Variants in SLC22A24 observed in about 807,000 individuals in gnomAD.
SLC22A24 encodes the protein steroid transmembrane transporter SLC22A24.
Under a neutral mutation model 49.8 loss-of-function variants are expected in SLC22A24, and 53 were observed. The observed-to-expected ratio is 1.06, with a 90% CI of 0.85 to 1.34. The LOEUF (loss-of-function observed/expected upper bound fraction) is 1.34. Among genes scored for constraint, SLC22A24 ranks in the 40% most tolerant of loss-of-function variants. SLC22A24 has a pLI of 0.00. For synonymous variants in SLC22A24, 302 were observed against 256.4 expected (o/e 1.18, Z -1.70); for missense variants, 786 against 675.9 (o/e 1.16, Z -1.81).
At chr11:63,111,718 T>C (rs887285269) in intron 4 of SLC22A24, among the ~76,000 whole-genome samples, 61 of 152,168 alleles carry the variant, frequency 4.0e-4, no homozygotes, top group African/African-American at 1.4e-3. Context: ...TTTTTTATTG[T>C]GTCTATTTGA....
At chr11:63,123,803 C>G (rs1464059142) in intron 2 of SLC22A24, among the ~76,000 whole-genome samples, 3 of 152,198 alleles carry the variant, frequency 2.0e-5, no homozygotes, top group Non-Finnish European at 4.4e-5. Context: ...AAATCCAACT[C>G]TATCTTACCA....
chr11:63,113,089 T>C (rs182549876), intron 4 of SLC22A24, among the ~76,000 whole-genome samples: 35 of 2,672 alleles, frequency 0.013, 14 homozygotes, highest in African/African-American at 0.021. Flanking sequence ...CACATATATA[T>C]ACATATATAT....
At chr11:63,083,119 C>T (rs1165525508) in intron 7 of SLC22A24, 124 bp downstream of exon 7, 18 of 757,886 alleles carry the variant, frequency 2.4e-5, no homozygotes, top group Non-Finnish European at 3.9e-5. Context: ...CTCATATTAA[C>T]TTCAGGGAAT....
rs869264212 is a variant in SLC22A24, at chr11:63,113,011, CAAAAAAAAAAA to C, written c.830+5890_830+5900del. ...GCCTGTGTGACAGCAGACTCTGTCT[CAAAAAAAAAAA>C]AAAAAAAAAAAAAATATATATATAT... On this transcript the variant is annotated intron_variant, in intron 4 of 9. Transcript: ENST00000612278. Among the ~76,000 whole-genome samples, 22 of 12,028 alleles carry C rather than the reference CAAAAAAAAAAA, an allele frequency of 1.8e-3. 3 individuals carry two copies. The highest frequency in any genetic ancestry group is 9.4e-3 in the African/African-American group (22 of 2,338). 7.9% of individuals were successfully genotyped at this position (12,028 alleles called of 152,430 possible).
At chr11:63,142,139 T>C (rs1000575442) in intron 1 of SLC22A24, among the ~76,000 whole-genome samples, 3 of 152,224 alleles carry the variant, frequency 2.0e-5, no homozygotes, top group Non-Finnish European at 4.4e-5. Flanking sequence ...AGAGTACTAA[T>C]ATTTTTGCCA....
chr11:63,090,741 G>T (rs1318895089), intron 6 of SLC22A24, among the ~76,000 whole-genome samples: 2 of 149,174 alleles, frequency 1.3e-5, no homozygotes, highest in Non-Finnish European at 3.0e-5. Context: ...TGAGAACAAA[G>T]ACCCCAAGTA....
intron 4 of SLC22A24, among the ~76,000 whole-genome samples, chr11:63,112,214 A>T (rs1400521307): frequency 2.0e-5 from 3 of 152,062 alleles, no homozygotes; most frequent in Admixed American, 6.6e-5. Context: ...GGTCTGAGAG[A>T]TAGTTTGTTA....
Position 63,143,639 on chromosome 11 carries a change from A to G in SLC22A24, c.141T>C (p.His47=). The G allele has an allele frequency of 6.3e-7, 1 of 1,598,020 alleles. No homozygotes were observed. Among genetic ancestry groups the G allele is most frequent in the African/African-American group, 1.3e-5 (1 of 74,298 alleles). The change falls in exon 1 of 10, where the codon CAT becomes CAC. Residue 47 remains histidine, a synonymous_variant. Coordinates refer to ENST00000612278, the MANE Select transcript of SLC22A24 (RefSeq NM_001136506.2). Reference sequence around the variant, plus strand: ...TGTCCAGGAGGGGGACCCAGCAGCGATGACTAGGGGTGAATGCAGTGAAGT... The same window carrying G: ...TGTCCAGGAGGGGGACCCAGCAGCGGTGACTAGGGGTGAATGCAGTGAAGT... The part of the protein sequence containing the change: ...LENFTAFTPS[H]RCWVPLLDND...
At chr11:63,098,449 C>G (rs1352082679) in intron 5 of SLC22A24, among the ~76,000 whole-genome samples, 2 of 152,110 alleles carry the variant, frequency 1.3e-5, no homozygotes, top group Non-Finnish European at 2.9e-5. Context: ...GGGTGGCTCA[C>G]TTGAGGTCAG....
intron 5 of SLC22A24, among the ~76,000 whole-genome samples, chr11:63,100,831 G>A (rs2087085890): frequency 6.6e-6 from 1 of 152,086 alleles, no homozygotes; most frequent in Non-Finnish European, 1.5e-5. Context: ...AAATGGTGCT[G>A]AGAAAACTGG....
rs1442260662 is a variant in SLC22A24 at position 63,081,696 on chromosome 11, T to A, written c.1286-30A>T. The A allele has an allele frequency of 2.0e-6, 3 of 1,472,124 alleles. No individual in the cohort carries two copies. The African/African-American group carries it at 4.2e-5, about 21-fold the overall frequency. 91.2% of individuals were successfully genotyped at this position (1,472,124 alleles called of 1,614,324 possible). A position where few individuals can be genotyped will look rare whatever the true frequency, so the allele number is the denominator to read the frequency against. On this transcript the variant is annotated intron_variant, in intron 7 of 9. Transcript: ENST00000612278. ...AGAGAACAGTGAGAATCAGGAAATC[T>A]TGCCTGAAGAAACTTTTCAACCCCC...
At chr11:63,108,949 A>C (rs1438915613) in intron 4 of SLC22A24, among the ~76,000 whole-genome samples, 2 of 135,576 alleles carry the variant, frequency 1.5e-5, no homozygotes, top group Non-Finnish European at 3.2e-5. Flanking sequence ...GCACCCACTA[A>C]CTCGTCATCT....
intron 4 of SLC22A24, among the ~76,000 whole-genome samples, chr11:63,118,321 T>C (rs1446890508): frequency 1.3e-5 from 2 of 152,198 alleles, no homozygotes; most frequent in African/African-American, 4.8e-5. Context: ...GGACTCAGTT[T>C]TTCTTCAACA....
chr11:63,139,858 C>T (rs899015690), intron 1 of SLC22A24, among the ~76,000 whole-genome samples: 7 of 152,074 alleles, frequency 4.6e-5, no homozygotes, highest in African/African-American at 1.7e-4. Flanking sequence ...AATTAAGAAA[C>T]TGGCAAATGA....
Position 63,112,821 on chromosome 11 carries a change from G to T in SLC22A24, c.830+6091C>A, listed in dbSNP as rs1004788301. On this transcript the variant is annotated intron_variant, in intron 4 of 9. Transcript: ENST00000612278. ...GAGGTCAGGAGATTGAGACCATCGT[G>T]GCTAATATGGTGAAACCCCGTCTCT... Among the ~76,000 whole-genome samples the T allele has an allele frequency of 2.6e-5, 4 of 151,140 alleles. No homozygotes were observed. In the East Asian group the frequency reaches 7.8e-4, roughly 29 times the overall value.
chr11:63,080,531 A>G (rs2086953150), intron 9 of SLC22A24, among the ~76,000 whole-genome samples: 1 of 152,206 alleles, frequency 6.6e-6, no homozygotes, highest in Non-Finnish European at 1.5e-5. Flanking sequence ...ACCACATAAC[A>G]GGCACTCATT....
chr11:63,118,664 A>AT (rs1427829127), intron 4 of SLC22A24: 4 of 547,770 alleles, frequency 7.3e-6, no homozygotes, highest in African/African-American at 3.8e-5. Context: ...ATAAGTGGGT[A>AT]TTTTTTCTAT....
intron 5 of SLC22A24, among the ~76,000 whole-genome samples, chr11:63,102,235 T>C (rs2087095730): frequency 6.6e-6 from 1 of 152,010 alleles, no homozygotes; most frequent in Non-Finnish European, 1.5e-5. Context: ...TATGTACCCA[T>C]AATAATTAAA....
chr11:63,092,634 T>A (rs987690140), intron 6 of SLC22A24, among the ~76,000 whole-genome samples: 5 of 148,098 alleles, frequency 3.4e-5, no homozygotes, highest in Non-Finnish European at 6.0e-5. Flanking sequence ...AAACTGGCTA[T>A]CTTTATGCAG....
Sources: allele counts gnomAD v4.1 joint callset (sites outside exome capture counted in the v4.1 genomes callset), GRCh38; gene constraint gnomAD v4.1.1; transcripts MANE v1.5; gene names NCBI Gene and HGNC (gene_info 2026-07-23, HGNC 2026-07-21).